The following LSAMP variants were observed in gnomAD, a reference collection of about 807,000 sequenced individuals.
LSAMP encodes the protein limbic system associated membrane protein.
LSAMP carries 7 observed loss-of-function variants against 38.6 expected under a neutral mutation model. The observed-to-expected ratio is 0.18, with a 90% CI of 0.10 to 0.34. The LOEUF (loss-of-function observed/expected upper bound fraction) is 0.34. Among genes scored for constraint, LSAMP ranks in the 10% least tolerant of loss-of-function variants. The probability of loss-of-function intolerance (pLI) is 1.00; values close to 1 mark genes in which losing one functional copy is unlikely to be tolerated. For missense variants in LSAMP, 313 were observed against 420.0 expected, an observed-to-expected ratio of 0.75 and a Z score of 2.23; for synonymous variants, 154 against 166.8, an observed-to-expected ratio of 0.92 and a Z score of 0.59.
chr3:115,947,150 A>C (rs1450559309), intron 3 of LSAMP, among the ~76,000 whole-genome samples: 1 of 152,192 alleles, frequency 6.6e-6, no homozygotes, highest in East Asian at 1.9e-4. Context: ...GAATTTCCAC[A>C]ATCTGATATA....
intron 3 of LSAMP, among the ~76,000 whole-genome samples, chr3:115,881,923 T>C (rs1936333921): frequency 6.6e-6 from 1 of 152,080 alleles, no homozygotes. Flanking sequence ...CCTGGGGCCC[T>C]CTCTGGAGAA....
chr3:116,057,133 AT>A (rs1360953775), intron 2 of LSAMP, among the ~76,000 whole-genome samples: 1 of 152,068 alleles, frequency 6.6e-6, no homozygotes, highest in Non-Finnish European at 1.5e-5. Flanking sequence ...AAACTATCCT[AT>A]TTGTGGTTGT....
chr3:116,183,661 CAGTTGCCCATTT>C, intron 1 of LSAMP, among the ~76,000 whole-genome samples: 1 of 151,726 alleles, frequency 6.6e-6, no homozygotes, highest in Non-Finnish European at 1.5e-5. Flanking sequence ...AAATAAATGA[CAGTTGCCCATTT>C]AGTATTAATA....
intron 3 of LSAMP, among the ~76,000 whole-genome samples, chr3:115,986,674 G>A (rs1939518119): frequency 1.3e-5 from 2 of 151,402 alleles, no homozygotes; most frequent in African/African-American, 4.9e-5. Flanking sequence ...CTAGATGGCA[G>A]ATCCAGGAGC....
At chr3:116,287,977 T>G (rs1484585334) in intron 1 of LSAMP, among the ~76,000 whole-genome samples, 1 of 152,130 alleles carries the variant, frequency 6.6e-6, no homozygotes, top group Non-Finnish European at 1.5e-5. Context: ...AAATTTGACC[T>G]TGAAAGAGGA....
chr3:115,975,412 T>C (rs1167634111), intron 3 of LSAMP, among the ~76,000 whole-genome samples: 1 of 152,200 alleles, frequency 6.6e-6, no homozygotes, highest in Non-Finnish European at 1.5e-5. Context: ...TTTATGCAGA[T>C]GATTGAAGCA....
chr3:115,862,153 A>G (rs1935724592), intron 3 of LSAMP, among the ~76,000 whole-genome samples: 2 of 152,184 alleles, frequency 1.3e-5, no homozygotes, highest in South Asian at 2.1e-4. Context: ...AGTAACAAAC[A>G]AGATCACTCA....
intron 2 of LSAMP, among the ~76,000 whole-genome samples, chr3:116,033,566 AG>A (rs2107707324): frequency 6.6e-6 from 1 of 152,280 alleles, no homozygotes; most frequent in Non-Finnish European, 1.5e-5. Flanking sequence ...ACCTGTGTTT[AG>A]GAGAGCTGAT....
At chr3:116,127,881 T>C (rs1211641373) in intron 1 of LSAMP, among the ~76,000 whole-genome samples, 1 of 152,086 alleles carries the variant, frequency 6.6e-6, no homozygotes, top group Non-Finnish European at 1.5e-5. Context: ...CCACTATTTT[T>C]AAAGATTAAC....
chr3:116,330,550 C>T (rs1358849743), intron 1 of LSAMP, among the ~76,000 whole-genome samples: 2 of 135,426 alleles, frequency 1.5e-5, no homozygotes, highest in Non-Finnish European at 3.5e-5. Flanking sequence ...CAGCATGCTC[C>T]CCCCCCCACA....
intron 2 of LSAMP, among the ~76,000 whole-genome samples, chr3:116,082,973 C>T (rs1009121887): frequency 5.9e-5 from 9 of 152,046 alleles, no homozygotes; most frequent in African/African-American, 1.9e-4. Context: ...ACCCTATGTA[C>T]AACAAACCCC....
At chr3:115,824,239 T>A (rs1300678655) in intron 6 of LSAMP, among the ~76,000 whole-genome samples, 1 of 152,186 alleles carries the variant, frequency 6.6e-6, no homozygotes, top group Admixed American at 6.5e-5. Flanking sequence ...GGATCAGCTG[T>A]CAGTAAGGTA....
chr3:116,336,524 G>A (rs761387726), intron 1 of LSAMP, among the ~76,000 whole-genome samples: 1 of 151,872 alleles, frequency 6.6e-6, no homozygotes, highest in African/African-American at 2.4e-5. Flanking sequence ...AATCATTAGT[G>A]GAAAGCAAAT....
intron 1 of LSAMP, among the ~76,000 whole-genome samples, chr3:116,377,238 C>G (rs1180287716): frequency 2.0e-5 from 3 of 151,970 alleles, no homozygotes; most frequent in African/African-American, 7.2e-5. Context: ...CCCAACCCCA[C>G]CCTTCAACAG....
At chr3:116,271,755 G>GTAGT (rs1018104835) in intron 1 of LSAMP, among the ~76,000 whole-genome samples, 10 of 152,126 alleles carry the variant, frequency 6.6e-5, no homozygotes, top group Admixed American at 1.3e-4. Context: ...GTGCCAATTT[G>GTAGT]TAGTTAGTCT....
intron 2 of LSAMP, among the ~76,000 whole-genome samples, chr3:116,077,992 T>C (rs543744822): frequency 1.2e-4 from 18 of 152,356 alleles, no homozygotes; most frequent in African/African-American, 3.8e-4. Flanking sequence ...GATGCCAATT[T>C]GTCCCGTTAC....
chr3:116,294,101 C>A (rs1244085948), intron 1 of LSAMP, among the ~76,000 whole-genome samples: 5 of 152,120 alleles, frequency 3.3e-5, no homozygotes. Context: ...TCATCACTTT[C>A]AATCTGCACC....
intron 3 of LSAMP, among the ~76,000 whole-genome samples, chr3:115,947,528 TACTG>T (rs1200224226): frequency 2.0e-5 from 3 of 152,188 alleles, no homozygotes; most frequent in Non-Finnish European, 4.4e-5. Context: ...GGAGAAGTGA[TACTG>T]ACCACAAGAG....
intron 1 of LSAMP, among the ~76,000 whole-genome samples, chr3:116,349,246 C>T (rs369332782): frequency 2.6e-5 from 4 of 151,952 alleles, no homozygotes; most frequent in African/African-American, 9.6e-5. Flanking sequence ...TATATTGTTT[C>T]TCAATTTAAA....
Sources: gnomAD v4.1 joint callset for allele counts (sites outside exome capture counted in the v4.1 genomes callset) on GRCh38, gnomAD v4.1.1 for gene constraint, MANE v1.5 for transcripts, NCBI Gene and HGNC (gene_info 2026-07-23, HGNC 2026-07-21) for gene names.